ABCB10: variants seen among roughly 807,000 people sequenced by gnomAD.
ABCB10 encodes the protein ATP-binding cassette sub-family B member 10, mitochondrial.
ABCB10 carries 54 observed loss-of-function variants against 65.4 expected under a neutral mutation model. The ratio of observed to expected loss-of-function variants is 0.83; its 90% CI spans 0.66 to 1.04. The LOEUF (loss-of-function observed/expected upper bound fraction) is 1.04, where lower values mean the gene tolerates loss of function less well. Among genes scored for constraint, ABCB10 ranks in the 50% least tolerant of loss-of-function variants. The probability of loss-of-function intolerance (pLI) is 0.00; values close to 1 mark genes in which losing one functional copy is unlikely to be tolerated. For missense variants in ABCB10, 846 were observed against 976.6 expected (o/e 0.87, Z 1.78); for synonymous variants, 418 against 406.5 (o/e 1.03, Z -0.34).
At chr1:229,528,271 G>C (rs1315488564) in intron 8 of ABCB10, among the ~76,000 whole-genome samples, 1 of 152,006 alleles carries the variant, frequency 6.6e-6, no homozygotes, top group Non-Finnish European at 1.5e-5. Context: ...GAAGAAACTA[G>C]AGACTCAGTA....
At chr1:229,524,586 C>T (rs1264587354) in intron 10 of ABCB10, among the ~76,000 whole-genome samples, 1 of 152,022 alleles carries the variant, frequency 6.6e-6, no homozygotes, top group Non-Finnish European at 1.5e-5. Flanking sequence ...TAAAGAAATA[C>T]AAACTGAGTC....
intron 3 of ABCB10, among the ~76,000 whole-genome samples, chr1:229,547,023 C>T (rs1662983765): frequency 6.6e-6 from 1 of 152,026 alleles, no homozygotes; most frequent in South Asian, 2.1e-4. Context: ...AATAGAAATA[C>T]TGGTTGAAGA....
In ABCB10 at chr1:229,558,609, G is replaced by C; in HGVS notation, c.44C>G (p.Pro15Arg). The change falls in exon 1 of 13, where the codon CCG becomes CGG. Residue 15 changes from proline (P) to arginine (R), a missense_variant. Pro to Arg is a moderately radical substitution (Grantham distance 103, BLOSUM62 -2). Around this residue, in one of 2 missense-constraint regions of ABCB10, gnomAD observed 214 missense variants for 173.5 expected, o/e 1.23. Coordinates refer to ENST00000344517, the MANE Select transcript of ABCB10 (RefSeq NM_012089.3). ...GAGCCGACCTGGCTCGGCAGGGCTCGGTGGCTCGAGCAGCCGCAGCGGCCA... is the reference window on the plus strand; with the variant it reads ...GAGCCGACCTGGCTCGGCAGGGCTCCGTGGCTCGAGCAGCCGCAGCGGCCA... The part of the protein sequence containing the change: ...PAWPLRLLEP[P>R]SPAEPGRLLP... The C allele has an allele frequency of 7.0e-7, 1 of 1,427,388 alleles. No homozygotes were observed. 88.4% of individuals were successfully genotyped at this position (1,427,388 alleles called of 1,614,324 possible).
intron 7 of ABCB10, among the ~76,000 whole-genome samples, chr1:229,531,217 T>G (rs1425396969): frequency 6.6e-6 from 1 of 152,096 alleles, no homozygotes; most frequent in Non-Finnish European, 1.5e-5. Context: ...CCAAGAAACT[T>G]AGATATTTTC....
At chr1:229,535,714 G>C (rs1356354195) in intron 6 of ABCB10, among the ~76,000 whole-genome samples, 1 of 150,966 alleles carries the variant, frequency 6.6e-6, no homozygotes, top group South Asian at 2.1e-4. Context: ...GTGTAATGCT[G>C]TGTCAATGTA....
In ABCB10 at chr1:229,530,276, G is replaced by C; in HGVS notation, c.1568C>G (p.Thr523Arg). The change falls in exon 8 of 13, where the codon ACG becomes AGG. Residue 523 changes from threonine to arginine, a missense_variant. Physicochemically the swap from Thr to Arg is moderately conservative, Grantham distance 71. This residue lies in a region of ABCB10 where 632 missense variants were observed against 803.2 expected (regional missense o/e 0.79). Transcript: ENST00000344517. ...AGAACCACTTGGGCCAACCAGTGCC[G>C]TGACAGATCCTGACGGAATGGAAAG... ...FSLSIPSGSV[T>R]ALVGPSGSGK... 1.9e-6 allele frequency: 3 copies of C among 1,614,138 alleles called. No individual in the cohort carries two copies. The highest frequency in any genetic ancestry group is 2.5e-6 in the Non-Finnish European group (3 of 1,180,022).
At chr1:229,556,326 C>T (rs1344444375) in intron 1 of ABCB10, among the ~76,000 whole-genome samples, 3 of 150,502 alleles carry the variant, frequency 2.0e-5, no homozygotes, top group Non-Finnish European at 4.4e-5. Flanking sequence ...GAGGTGAGAT[C>T]ACGCCATTGC....
chr1:229,518,710 T>C, intron 12 of ABCB10, 131 bp downstream of exon 12: 1 of 834,806 alleles, frequency 1.2e-6, no homozygotes, highest in Non-Finnish European at 1.9e-6. Flanking sequence ...TCAGCTTCCC[T>C]CACTTTAGAG....
intron 1 of ABCB10, among the ~76,000 whole-genome samples, chr1:229,554,805 CG>C (rs1663206271): frequency 6.6e-6 from 1 of 152,168 alleles, no homozygotes; most frequent in Admixed American, 6.5e-5. Context: ...ACTGTCCCTG[CG>C]GGATCTCCAT....
rs1299046620 is a variant in ABCB10, at chr1:229,516,611, T to C, written c.*1568A>G. The C allele has an allele frequency of 6.6e-6, 1 of 151,026 alleles. No individual in the cohort carries two copies. The highest frequency in any genetic ancestry group is 1.5e-5 in the Non-Finnish European group (1 of 67,806). The allele number at this position is 151,026 out of a possible 1,614,324, so 9.4% of individuals were successfully genotyped here. A position where few individuals can be genotyped will look rare whatever the true frequency, so the allele number is the denominator to read the frequency against. The stretch of plus-strand genomic sequence containing the variant: ...GTTCACTATAAATTTTAATCTATGA[T>C]ATAAAATATTACCTAAAGATAAAAT... On this transcript the variant is annotated 3_prime_UTR_variant, in exon 13 of 13. Transcript: ENST00000344517.
intron 6 of ABCB10, among the ~76,000 whole-genome samples, chr1:229,536,112 C>A (rs1662716387): frequency 6.6e-6 from 1 of 151,996 alleles, no homozygotes; most frequent in Non-Finnish European, 1.5e-5. Context: ...GGGTATACAC[C>A]CCTATCTCCA....
chr1:229,533,669 A>G (rs1662638206), intron 6 of ABCB10, among the ~76,000 whole-genome samples: 1 of 152,222 alleles, frequency 6.6e-6, no homozygotes, highest in Non-Finnish European at 1.5e-5. Context: ...AATACAATGG[A>G]GATGCAACGG....
At chr1:229,551,832 A>G (rs1663124948) in intron 1 of ABCB10, among the ~76,000 whole-genome samples, 1 of 152,254 alleles carries the variant, frequency 6.6e-6, no homozygotes, top group African/African-American at 2.4e-5. Flanking sequence ...AGGATTCAGC[A>G]GAAAATTCTT....
rs1398944312 is a variant in ABCB10, at chr1:229,531,645, G to A, written c.1426C>T (p.Pro476Ser). 1 of 1,613,752 alleles carries A rather than the reference G, an allele frequency of 6.2e-7. No homozygotes were observed. Among genetic ancestry groups the A allele is most frequent in the Admixed American group, 1.7e-5 (1 of 59,976 alleles). Residue 476 changes from proline (P) to serine (S), a missense_variant, in exon 7 of 13, where the codon CCT becomes TCT. Transcript: ENST00000344517. ...WELLEREPKL[P>S]FNEGVILNEK... The stretch of plus-strand genomic sequence containing the variant: ...CAATTTTCAGACCCACCGTTAAAAG[G>A]CAGCTTGGGCTCTCTCTCCAGGAGC...
At position 229,521,650 on chromosome 1, in the gene ABCB10, A is replaced by G; in HGVS notation, c.1907-15T>C. The G allele has an allele frequency of 6.2e-7, 1 of 1,613,036 alleles. No homozygotes were observed. The highest frequency in any genetic ancestry group is 8.5e-7 in the Non-Finnish European group (1 of 1,179,490). On this transcript the variant is annotated splice_polypyrimidine_tract_variant and intron_variant, in intron 10 of 12. Coordinates refer to ENST00000344517, the MANE Select transcript of ABCB10 (RefSeq NM_012089.3). ...TTTCTGCCCACCTGACAAAGACAAC[A>G]TTTAAAAAAAGAAGGCCTCAACAAA...
chr1:229,526,218 T>A (rs1662441581), intron 9 of ABCB10, 102 bp from the exon 10 acceptor site: 1 of 1,231,418 alleles, frequency 8.1e-7, no homozygotes, highest in East Asian at 2.5e-5. Flanking sequence ...TGTTTTGCCA[T>A]GAACAGGATT....
At chr1:229,554,132 A>T (rs1004858967) in intron 1 of ABCB10, among the ~76,000 whole-genome samples, 1 of 152,170 alleles carries the variant, frequency 6.6e-6, no homozygotes, top group Non-Finnish European at 1.5e-5. Flanking sequence ...TCTGGGACAC[A>T]TTTCCACGGA....
rs760362776 is a variant in ABCB10 at position 229,547,481 on chromosome 1, G to T, written c.921+18C>A. 1 of 1,611,892 alleles carries T rather than the reference G, an allele frequency of 6.2e-7. No individual in the cohort carries two copies. Among genetic ancestry groups the T allele is most frequent in the Non-Finnish European group, 8.5e-7 (1 of 1,179,752 alleles). ...AAGCCCTGGCAGGAAGGTACCAAGG[G>T]GAACCAGGCCCACATACCATCATAC... On this transcript the variant is annotated intron_variant, in intron 3 of 12. Transcript: ENST00000344517.
chr1:229,557,526 T>G lies in ABCB10; in HGVS notation c.517+610A>C, dbSNP rs962181329. Among the ~76,000 whole-genome samples, 5 of 152,368 alleles carry G rather than the reference T, an allele frequency of 3.3e-5. No homozygotes were observed. The East Asian group carries it at 9.6e-4, about 29-fold the overall frequency. On this transcript the variant is annotated intron_variant, in intron 1 of 12. Transcript: ENST00000344517. The stretch of plus-strand genomic sequence containing the variant: ...AATGAGGAGCTATAGAAAACTGTCC[T>G]ATTTAAATTTTGTTTCTAAAAACAT...
Sources: allele counts gnomAD v4.1 joint callset (sites outside exome capture counted in the v4.1 genomes callset), GRCh38; gene constraint gnomAD v4.1.1; regional missense constraint gnomAD v4.1.1; transcripts MANE v1.5; gene names NCBI Gene and HGNC (gene_info 2026-07-23, HGNC 2026-07-21).